METAP1D: variants seen among roughly 807,000 people sequenced by gnomAD.
METAP1D encodes the protein methionine aminopeptidase 1D, mitochondrial.
A neutral mutation model predicts 40.5 loss-of-function variants in METAP1D; 31 were observed. That is an observed-to-expected ratio of 0.77 (90% CI 0.58 to 1.03). The LOEUF (loss-of-function observed/expected upper bound fraction) is 1.03, where lower values mean the gene tolerates loss of function less well. Among genes scored for constraint, METAP1D ranks in the 50% least tolerant of loss-of-function variants. METAP1D has a pLI of 0.00. For synonymous variants in METAP1D, 151 were observed against 146.4 expected, an observed-to-expected ratio of 1.03 and a Z score of -0.22; for missense variants, 411 against 420.7, an observed-to-expected ratio of 0.98 and a Z score of 0.20.
Position 172,066,321 on chromosome 2 carries a change from T to TA in METAP1D, c.540+21dup. 6.2e-7 allele frequency: 1 copy of TA among 1,604,360 alleles called. No individual in the cohort carries two copies. The highest frequency in any genetic ancestry group is 8.5e-7 in the Non-Finnish European group (1 of 1,174,594). Reference sequence around the variant, plus strand: ...TTGATGTCACAGTGAGTAAATCATATAAAAAATTGTCTTTGATCAACTTCA... The same window carrying TA: ...TTGATGTCACAGTGAGTAAATCATATAAAAAAATTGTCTTTGATCAACTTCA... On this transcript the variant is annotated intron_variant, in intron 5 of 9. Transcript: ENST00000315796.
intron 1 of METAP1D, among the ~76,000 whole-genome samples, chr2:172,016,843 A>G (rs1688879223): frequency 6.6e-6 from 1 of 151,614 alleles, no homozygotes; most frequent in African/African-American, 2.4e-5. Flanking sequence ...GTAATTCTCT[A>G]GGCCCTTTCC....
chr2:172,065,552 A>G, intron 3 of METAP1D, 52 bp from the exon 4 acceptor site: 1 of 1,589,612 alleles, frequency 6.3e-7, no homozygotes, highest in South Asian at 1.1e-5. Flanking sequence ...GTTGATAAAT[A>G]CAAGAAATGT....
chr2:172,019,004 T>C (rs914923882), intron 1 of METAP1D, among the ~76,000 whole-genome samples: 1 of 152,136 alleles, frequency 6.6e-6, no homozygotes, highest in Admixed American at 6.5e-5. Flanking sequence ...CAGACAACCA[T>C]GGATTTCCAG....
chr2:172,026,174 T>G, intron 1 of METAP1D, among the ~76,000 whole-genome samples: 1 of 152,204 alleles, frequency 6.6e-6, no homozygotes, highest in East Asian at 1.9e-4. Flanking sequence ...CTCTCTGTTT[T>G]TCCCCTTGTG....
Position 172,039,652 on chromosome 2 carries a change from C to A in METAP1D, c.41-21846C>A, listed in dbSNP as rs1001945533. Among the ~76,000 whole-genome samples the A allele has an allele frequency of 2.7e-5, 4 of 149,642 alleles. No individual in the cohort carries two copies. The East Asian group carries it at 7.9e-4, about 29-fold the overall frequency. On this transcript the variant is annotated intron_variant, in intron 1 of 9. Coordinates refer to ENST00000315796, the MANE Select transcript of METAP1D (RefSeq NM_199227.3). ...TTTTTGTGGGGTGGGGGTGATGGAGCAAATACCTTTAAAACTTTTTTTTGT... is the reference window on the plus strand; with the variant it reads ...TTTTTGTGGGGTGGGGGTGATGGAGAAAATACCTTTAAAACTTTTTTTTGT...
chr2:172,027,650 G>A lies in METAP1D; in HGVS notation c.40+27641G>A, dbSNP rs967262097. Among the ~76,000 whole-genome samples, 4 of 152,230 alleles carry A rather than the reference G, an allele frequency of 2.6e-5. No homozygotes were observed. The South Asian group carries it at 8.3e-4, about 31-fold the overall frequency. On this transcript the variant is annotated intron_variant, in intron 1 of 9. Coordinates refer to ENST00000315796, the MANE Select transcript of METAP1D (RefSeq NM_199227.3). ...TATTTATGATTTTGTACGTGTACACGTGTGTATGTCATATTCCCTTCTGAC... is the reference window on the plus strand; with the variant it reads ...TATTTATGATTTTGTACGTGTACACATGTGTATGTCATATTCCCTTCTGAC...
At chr2:172,004,931 CT>C (rs533755702) in intron 1 of METAP1D, among the ~76,000 whole-genome samples, 8 of 148,562 alleles carry the variant, frequency 5.4e-5, no homozygotes, top group East Asian at 2.0e-4. Flanking sequence ...TTCTTCCTTC[CT>C]TTTTTTTTTC....
chr2:172,036,691 A>C (rs887145573), intron 1 of METAP1D, among the ~76,000 whole-genome samples: 1 of 152,052 alleles, frequency 6.6e-6, no homozygotes, highest in Non-Finnish European at 1.5e-5. Flanking sequence ...TATTACAAAC[A>C]GTCTGAGTAT....
chr2:172,018,881 A>G (rs570131733), intron 1 of METAP1D, among the ~76,000 whole-genome samples: 1 of 152,154 alleles, frequency 6.6e-6, no homozygotes, highest in South Asian at 2.1e-4. Context: ...TCCACAATGT[A>G]ATTTAGTTGT....
At chr2:172,047,737 A>G (rs1689794563) in intron 1 of METAP1D, among the ~76,000 whole-genome samples, 1 of 152,214 alleles carries the variant, frequency 6.6e-6, no homozygotes, top group Non-Finnish European at 1.5e-5. Flanking sequence ...GCTCAGCCAA[A>G]ATAGCAGCAT....
chr2:172,066,049 T>C (rs1242327937), intron 4 of METAP1D, among the ~76,000 whole-genome samples: 7 of 152,232 alleles, frequency 4.6e-5, no homozygotes, highest in Non-Finnish European at 2.9e-5. Context: ...ATTTTTCTTA[T>C]CAACTCTTGT....
chr2:172,037,826 G>A (rs940686557), intron 1 of METAP1D, among the ~76,000 whole-genome samples: 2 of 152,212 alleles, frequency 1.3e-5, no homozygotes, highest in Non-Finnish European at 2.9e-5. Context: ...AGCTTGACAT[G>A]TTGTTTCTGG....
chr2:172,074,208 T>C (rs940664692), intron 6 of METAP1D, among the ~76,000 whole-genome samples: 5 of 151,860 alleles, frequency 3.3e-5, no homozygotes, highest in Admixed American at 1.3e-4. Flanking sequence ...CATGAATATG[T>C]GACAGTTCAA....
chr2:172,076,902 GTTC>G (rs1351178303), intron 6 of METAP1D, among the ~76,000 whole-genome samples: 1 of 152,172 alleles, frequency 6.6e-6, no homozygotes, highest in Non-Finnish European at 1.5e-5. Context: ...TAGTATATAT[GTTC>G]TTGTTTGTCT....
chr2:172,022,187 A>G (rs1379475848), intron 1 of METAP1D, among the ~76,000 whole-genome samples: 1 of 152,158 alleles, frequency 6.6e-6, no homozygotes, highest in African/African-American at 2.4e-5. Context: ...GCCCCCATGC[A>G]GACTCCTGCT....
Position 172,080,547 on chromosome 2 carries a change from G to C in METAP1D, c.*141G>C. 1 of 840,956 alleles carries C rather than the reference G, an allele frequency of 1.2e-6. No homozygotes were observed. The highest frequency in any genetic ancestry group is 1.6e-5 in the South Asian group (1 of 63,372). The allele number at this position is 840,956 out of a possible 1,614,324, so 52.1% of individuals were successfully genotyped here. On this transcript the variant is annotated 3_prime_UTR_variant, in exon 10 of 10. Transcript: ENST00000315796. ...CTCCTGATAGCGTTTGGAAGAACGC[G>C]GGGGAGACTGAAGAGCAACTGGGAA...
chr2:172,050,915 T>C (rs553208549), intron 1 of METAP1D, among the ~76,000 whole-genome samples: 2 of 152,318 alleles, frequency 1.3e-5, no homozygotes, highest in Admixed American at 1.3e-4. Context: ...CTTTATTTCC[T>C]CTGTAAGGAT....
At position 172,043,033 on chromosome 2, in the gene METAP1D, ATG is replaced by A. The variant is rs1344686625; in HGVS notation, c.41-18461_41-18460del. Among the ~76,000 whole-genome samples, 3 of 77,180 alleles carry A rather than the reference ATG, an allele frequency of 3.9e-5. 1 individual carries two copies. Among genetic ancestry groups the A allele is most frequent in the Admixed American group, 1.2e-4 (1 of 8,480 alleles). 50.6% of individuals were successfully genotyped at this position (77,180 alleles called of 152,430 possible). ...TGTATGTGTACACATATATGTGTAT[ATG>A]TGTACACGTGTACACATATATGTGT... On this transcript the variant is annotated intron_variant, in intron 1 of 9. Transcript: ENST00000315796.
At chr2:172,066,733 C>A (rs1335472339) in intron 5 of METAP1D, among the ~76,000 whole-genome samples, 1 of 152,196 alleles carries the variant, frequency 6.6e-6, no homozygotes, top group Non-Finnish European at 1.5e-5. Context: ...CCTCTTCCTG[C>A]TGATTTTGAG....
Sources: gnomAD v4.1 joint callset for allele counts (sites outside exome capture counted in the v4.1 genomes callset) on GRCh38, gnomAD v4.1.1 for gene constraint, MANE v1.5 for transcripts, NCBI Gene and HGNC (gene_info 2026-07-23, HGNC 2026-07-21) for gene names.